The following PDGFC variants were observed in gnomAD, a reference collection of about 807,000 sequenced individuals.
The protein encoded by PDGFC is platelet derived growth factor C.
PDGFC carries 12 observed loss-of-function variants against 35.5 expected under a neutral mutation model. The observed-to-expected ratio is 0.34, with a 90% CI of 0.22 to 0.55. PDGFC has a LOEUF of 0.55. Among genes scored for constraint, PDGFC ranks in the 20% least tolerant of loss-of-function variants. The pLI, the probability that PDGFC is intolerant of heterozygous loss-of-function variation, is 0.91. For missense variants in PDGFC, 322 were observed against 412.4 expected (o/e 0.78, Z 1.90); for synonymous variants, 159 against 148.8 (o/e 1.07, Z -0.50).
At chr4:156,903,110 T>A (rs1289972837) in intron 1 of PDGFC, among the ~76,000 whole-genome samples, 3 of 136,262 alleles carry the variant, frequency 2.2e-5, no homozygotes, top group Admixed American at 7.5e-5. Context: ...AGAGAGTGTG[T>A]GTGTGTGTGT....
chr4:156,959,658 C>T (rs955600605), intron 1 of PDGFC, among the ~76,000 whole-genome samples: 3 of 151,976 alleles, frequency 2.0e-5, no homozygotes, highest in African/African-American at 7.2e-5. Context: ...TCGGCAGATA[C>T]ATTAAATAAG....
At chr4:156,795,578 T>G (rs1579013716) in intron 3 of PDGFC, among the ~76,000 whole-genome samples, 1 of 152,284 alleles carries the variant, frequency 6.6e-6, no homozygotes, top group East Asian at 1.9e-4. Context: ...CCACCTGAAC[T>G]ACTCAAGTTA....
intron 1 of PDGFC, chr4:156,861,518 A>C: frequency 1.0e-6 from 1 of 967,752 alleles, no homozygotes; most frequent in South Asian, 1.4e-5. Flanking sequence ...AGTAAAATTG[A>C]GTCTTTTGGT....
intron 1 of PDGFC, among the ~76,000 whole-genome samples, chr4:156,867,536 AG>A (rs1381925009): frequency 6.6e-6 from 1 of 152,204 alleles, no homozygotes; most frequent in Non-Finnish European, 1.5e-5. Flanking sequence ...ACATCACCAA[AG>A]CCAAGTGTAC....
At chr4:156,947,073 A>G (rs534390162) in intron 1 of PDGFC, among the ~76,000 whole-genome samples, 82 of 152,156 alleles carry the variant, frequency 5.4e-4, no homozygotes, top group Non-Finnish European at 1.1e-3. Context: ...AATGACATAA[A>G]GAAGGGAGGT....
intron 1 of PDGFC, among the ~76,000 whole-genome samples, chr4:156,934,073 C>T (rs373742798): frequency 2.6e-5 from 4 of 152,164 alleles, no homozygotes; most frequent in Admixed American, 2.0e-4. Context: ...AATTATAGTG[C>T]CTTGTGCTTA....
At chr4:156,863,203 G>T (rs1729759130) in intron 1 of PDGFC, among the ~76,000 whole-genome samples, 1 of 152,150 alleles carries the variant, frequency 6.6e-6, no homozygotes, top group Admixed American at 6.6e-5. Context: ...AGAGAGTGAT[G>T]TTATTAATTA....
At chr4:156,830,132 A>T (rs1728892005) in intron 2 of PDGFC, among the ~76,000 whole-genome samples, 1 of 152,168 alleles carries the variant, frequency 6.6e-6, no homozygotes, top group South Asian at 2.1e-4. Context: ...AAGTTGAAAA[A>T]TTATAAGTAT....
At chr4:156,962,403 C>T (rs1243215790) in intron 1 of PDGFC, among the ~76,000 whole-genome samples, 1 of 152,046 alleles carries the variant, frequency 6.6e-6, no homozygotes, top group African/African-American at 2.4e-5. Context: ...CAAAACCAAC[C>T]ACTTAGTAAA....
intron 1 of PDGFC, among the ~76,000 whole-genome samples, chr4:156,970,037 C>T (rs2110997089): frequency 6.6e-6 from 1 of 152,314 alleles, no homozygotes; most frequent in South Asian, 2.1e-4. Context: ...TTCTCCAGCT[C>T]TGTGCAATCC....
At chr4:156,907,838 T>C (rs1730952295) in intron 1 of PDGFC, among the ~76,000 whole-genome samples, 2 of 152,102 alleles carry the variant, frequency 1.3e-5, no homozygotes, top group African/African-American at 4.8e-5. Context: ...ACCAAACATG[T>C]CCAGTCCTTC....
chr4:156,872,212 A>C (rs1381298882), intron 1 of PDGFC, among the ~76,000 whole-genome samples: 1 of 152,180 alleles, frequency 6.6e-6, no homozygotes, highest in Non-Finnish European at 1.5e-5. Context: ...AATATAATAT[A>C]CTTAAATGTA....
chr4:156,836,626 T>C (rs1276074916), intron 2 of PDGFC, among the ~76,000 whole-genome samples: 1 of 152,178 alleles, frequency 6.6e-6, no homozygotes, highest in African/African-American at 2.4e-5. Context: ...TCATTTCTTC[T>C]GCTGAAAATG....
At chr4:156,818,394 T>C (rs1182471017) in intron 2 of PDGFC, among the ~76,000 whole-genome samples, 1 of 152,028 alleles carries the variant, frequency 6.6e-6, no homozygotes, top group Non-Finnish European at 1.5e-5. Flanking sequence ...TTTGCCTTCA[T>C]ATCATTTAGT....
intron 3 of PDGFC, among the ~76,000 whole-genome samples, chr4:156,790,554 T>G (rs1289284165): frequency 6.6e-6 from 1 of 152,180 alleles, no homozygotes; most frequent in African/African-American, 2.4e-5. Flanking sequence ...TGAATTTGGA[T>G]AGAATAAACA....
chr4:156,915,162 T>C (rs1305748994), intron 1 of PDGFC, among the ~76,000 whole-genome samples: 1 of 152,188 alleles, frequency 6.6e-6, no homozygotes, highest in African/African-American at 2.4e-5. Context: ...TAGCATTAAA[T>C]GAATCCCCAA....
intron 3 of PDGFC, among the ~76,000 whole-genome samples, chr4:156,777,218 G>T (rs773622096): frequency 1.4e-4 from 21 of 152,080 alleles, no homozygotes; most frequent in Admixed American, 3.9e-4. Context: ...GGCATGTCTG[G>T]CTTATAAATA....
chr4:156,884,244 T>C (rs1417183637), intron 1 of PDGFC, among the ~76,000 whole-genome samples: 3 of 152,166 alleles, frequency 2.0e-5, no homozygotes, highest in Admixed American at 1.3e-4. Context: ...GCTAGAATGA[T>C]AAAAATGTGT....
intron 3 of PDGFC, among the ~76,000 whole-genome samples, chr4:156,807,966 C>A (rs981561936): frequency 3.3e-5 from 5 of 151,790 alleles, no homozygotes; most frequent in Non-Finnish European, 4.4e-5. Flanking sequence ...AGTGGATGTC[C>A]CACTAATTCC....
Sources: gnomAD v4.1 joint callset for allele counts (sites outside exome capture counted in the v4.1 genomes callset) on GRCh38, gnomAD v4.1.1 for gene constraint, MANE v1.5 for transcripts, NCBI Gene and HGNC (gene_info 2026-07-23, HGNC 2026-07-21) for gene names.